Variants in SOBP observed in about 807,000 individuals in gnomAD.
The protein encoded by SOBP is sine oculis binding protein homolog.
In SOBP, 4 loss-of-function variants were observed where a neutral mutation model predicts 53.6. The observed-to-expected ratio is 0.07, with a 90% CI of 0.04 to 0.17. The LOEUF (loss-of-function observed/expected upper bound fraction) is 0.17, where lower values mean the gene tolerates loss of function less well. Among genes scored for constraint, SOBP ranks in the 10% least tolerant of loss-of-function variants. SOBP has a pLI of 1.00. For synonymous variants in SOBP, 584 were observed against 522.6 expected (o/e 1.12, Z -1.60); for missense variants, 1,088 against 1,204.7 (o/e 0.90, Z 1.43).
At chr6:107,590,941 C>T (rs887285432) in intron 5 of SOBP, among the ~76,000 whole-genome samples, 6 of 152,096 alleles carry the variant, frequency 3.9e-5, no homozygotes, top group African/African-American at 1.2e-4. Flanking sequence ...CTAGACAGTG[C>T]AGGTAGGGAC....
chr6:107,591,975 T>TG (rs1244316405), intron 5 of SOBP, among the ~76,000 whole-genome samples: 1 of 89,308 alleles, frequency 1.1e-5, no homozygotes, highest in African/African-American at 4.3e-5. Context: ...GGTGTTTTTT[T>TG]TTTTTTTTTT....
chr6:107,656,158 G>A (rs1451006766), intron 6 of SOBP, among the ~76,000 whole-genome samples: 3 of 152,180 alleles, frequency 2.0e-5, no homozygotes, highest in Non-Finnish European at 2.9e-5. Context: ...AAGTGACCCC[G>A]GTGTCTTTGG....
chr6:107,598,174 T>TC (rs1786017055), intron 5 of SOBP, among the ~76,000 whole-genome samples: 1 of 149,414 alleles, frequency 6.7e-6, no homozygotes, highest in Non-Finnish European at 1.5e-5. Context: ...AAAGAGAACT[T>TC]TAAAAAAAAA....
chr6:107,571,835 T>C (rs1785082184), intron 4 of SOBP, among the ~76,000 whole-genome samples: 1 of 152,194 alleles, frequency 6.6e-6, no homozygotes, highest in Admixed American at 6.5e-5. Flanking sequence ...GATTATATCT[T>C]TGTAAGCATC....
intron 3 of SOBP, among the ~76,000 whole-genome samples, chr6:107,516,650 T>C (rs1012808232): frequency 4.6e-5 from 7 of 152,208 alleles, no homozygotes; most frequent in African/African-American, 1.7e-4. Context: ...TTAACTATTA[T>C]AATTTACGAC....
intron 3 of SOBP, among the ~76,000 whole-genome samples, chr6:107,509,261 G>T (rs985757643): frequency 3.0e-4 from 45 of 152,080 alleles, no homozygotes; most frequent in African/African-American, 1.1e-3. Context: ...GGGCATGGTG[G>T]CACATGCCTG....
chr6:107,628,483 A>G (rs1232255220), intron 5 of SOBP, among the ~76,000 whole-genome samples: 1 of 152,088 alleles, frequency 6.6e-6, no homozygotes, highest in Non-Finnish European at 1.5e-5. Flanking sequence ...AGTGGATGAA[A>G]ATCTCCCTTT....
chr6:107,587,056 A>G, intron 4 of SOBP, 24 bp from the exon 5 acceptor site: 2 of 1,583,600 alleles, frequency 1.3e-6, no homozygotes, highest in Non-Finnish European at 1.7e-6. Context: ...AAGTCCCTAA[A>G]TAGGCCATTA....
At chr6:107,623,298 A>G (rs1166314924) in intron 5 of SOBP, among the ~76,000 whole-genome samples, 1 of 152,232 alleles carries the variant, frequency 6.6e-6, no homozygotes. Context: ...GGAATGCCCA[A>G]GTTAATAAAA....
chr6:107,541,576 A>G (rs529616766), intron 4 of SOBP, among the ~76,000 whole-genome samples: 2 of 152,340 alleles, frequency 1.3e-5, no homozygotes, highest in East Asian at 3.9e-4. Flanking sequence ...TCAATGGGTA[A>G]TAGGAATTTT....
intron 4 of SOBP, among the ~76,000 whole-genome samples, chr6:107,570,599 G>A (rs1197975121): frequency 6.6e-6 from 1 of 152,250 alleles, no homozygotes; most frequent in Non-Finnish European, 1.5e-5. Context: ...TGGGTAACAA[G>A]TACGAGCCCC....
At chr6:107,627,856 C>T (rs1218987879) in intron 5 of SOBP, among the ~76,000 whole-genome samples, 1 of 152,176 alleles carries the variant, frequency 6.6e-6, no homozygotes, top group Admixed American at 6.5e-5. Context: ...TTCCTTCCTT[C>T]ACTCAAATCC....
intron 3 of SOBP, 47 bp from the exon 4 acceptor site, chr6:107,533,412 G>A: frequency 1.2e-6 from 2 of 1,607,672 alleles, no homozygotes; most frequent in South Asian, 2.2e-5. Flanking sequence ...AAATTTGAAG[G>A]GATGTTTGCT....
chr6:107,642,072 G>A (rs965212903), intron 6 of SOBP, among the ~76,000 whole-genome samples: 3 of 152,222 alleles, frequency 2.0e-5, no homozygotes, highest in Admixed American at 1.3e-4. Context: ...GGGCATAAAC[G>A]AAATTCATTC....
At chr6:107,552,924 A>G (rs965251919) in intron 4 of SOBP, among the ~76,000 whole-genome samples, 4 of 152,122 alleles carry the variant, frequency 2.6e-5, no homozygotes, top group African/African-American at 4.8e-5. Context: ...CCCTGTCTCC[A>G]TGAATAAATA....
chr6:107,592,656 G>A (rs1362321918), intron 5 of SOBP, among the ~76,000 whole-genome samples: 1 of 152,182 alleles, frequency 6.6e-6, no homozygotes, highest in African/African-American at 2.4e-5. Context: ...ATCATATGAT[G>A]TATGCATACA....
intron 1 of SOBP, among the ~76,000 whole-genome samples, chr6:107,494,142 C>T (rs1319869887): frequency 2.0e-5 from 3 of 152,298 alleles, no homozygotes; most frequent in South Asian, 2.1e-4. Context: ...TACCAATGTA[C>T]TTACAATTAG....
At chr6:107,550,313 C>G (rs185308786) in intron 4 of SOBP, among the ~76,000 whole-genome samples, 16 of 152,220 alleles carry the variant, frequency 1.1e-4, no homozygotes, top group African/African-American at 3.9e-4. Flanking sequence ...GGCTGGGTGC[C>G]GTGGAAATTA....
At chr6:107,620,747 C>T (rs13193580) in intron 5 of SOBP, among the ~76,000 whole-genome samples, 9 of 152,282 alleles carry the variant, frequency 5.9e-5, no homozygotes, top group Non-Finnish European at 7.3e-5. Context: ...AAGAAAGGCC[C>T]GCCCTCACAT....
Sources: gnomAD v4.1 joint callset for allele counts (sites outside exome capture counted in the v4.1 genomes callset) on GRCh38, gnomAD v4.1.1 for gene constraint, MANE v1.5 for transcripts, NCBI Gene and HGNC (gene_info 2026-07-23, HGNC 2026-07-21) for gene names.